Variants in GRIK2 observed in about 807,000 individuals in gnomAD.
GRIK2 encodes the protein glutamate receptor ionotropic, kainate 2.
GRIK2 carries 32 observed loss-of-function variants against 100.3 expected under a neutral mutation model. The ratio of observed to expected loss-of-function variants is 0.32; its 90% CI spans 0.24 to 0.43. The LOEUF is 0.43. Ranked by LOEUF, GRIK2 falls within the 20% of genes least tolerant of loss-of-function variation. The pLI, the probability that GRIK2 is intolerant of heterozygous loss-of-function variation, is 1.00. For missense variants in GRIK2, 843 were observed against 1,114.9 expected (o/e 0.76, Z 3.47); for synonymous variants, 417 against 389.4 (o/e 1.07, Z -0.83).
At chr6:101,723,192 T>C (rs1774613007) in intron 7 of GRIK2, among the ~76,000 whole-genome samples, 1 of 152,024 alleles carries the variant, frequency 6.6e-6, no homozygotes, top group South Asian at 2.1e-4. Context: ...ATGGCCAGGG[T>C]TGATAAAAAG....
In GRIK2 at chr6:101,444,945, T is replaced by C. The variant is rs145662848; in HGVS notation, c.115+45553T>C. ...CCCTAATTTGCTGCTGCATGTCTCA[T>C]TCTATTGGGACCAATCTAATCTTAG... On this transcript the variant is annotated intron_variant, in intron 2 of 16. Coordinates refer to ENST00000369134, the MANE Select transcript of GRIK2 (RefSeq NM_021956.5). Among the ~76,000 whole-genome samples the C allele has an allele frequency of 1.6e-4, 24 of 152,236 alleles. No individual in the cohort carries two copies. The East Asian group carries it at 4.1e-3, about 26-fold the overall frequency.
At chr6:101,887,223 G>A (rs920555162) in intron 11 of GRIK2, among the ~76,000 whole-genome samples, 1 of 152,018 alleles carries the variant, frequency 6.6e-6, no homozygotes. Context: ...ACTATGTGAG[G>A]TAATGCATAT....
At position 101,886,672 on chromosome 6, in the gene GRIK2, C is replaced by A. The variant is rs556226405; in HGVS notation, c.1525-2968C>A. On this transcript the variant is annotated intron_variant, in intron 11 of 16. Coordinates refer to ENST00000369134, the MANE Select transcript of GRIK2 (RefSeq NM_021956.5). ...TTTCAAGAATGCAATATATTATTAC[C>A]TATAATAATCATTTTATACAATAGA... Among the ~76,000 whole-genome samples, 545 of 151,740 alleles carry A rather than the reference C, an allele frequency of 3.6e-3. 4 individuals carry two copies. The highest frequency in any genetic ancestry group is 0.012 in the African/African-American group (484 of 41,406).
intron 11 of GRIK2, among the ~76,000 whole-genome samples, chr6:101,889,269 A>T (rs909380650): frequency 1.3e-5 from 2 of 152,032 alleles, no homozygotes; most frequent in Non-Finnish European, 2.9e-5. Context: ...GAAAATAATT[A>T]ATATTAAATA....
chr6:101,437,956 G>C (rs1300124555), intron 2 of GRIK2, among the ~76,000 whole-genome samples: 1 of 152,080 alleles, frequency 6.6e-6, no homozygotes, highest in African/African-American at 2.4e-5. Context: ...ATGAAGCAGT[G>C]GGCGGAGAAT....
rs569241335 is a variant in GRIK2 at position 101,835,627 on chromosome 6, C to T, written c.1317+17144C>T. On this transcript the variant is annotated intron_variant, in intron 10 of 16. Coordinates refer to ENST00000369134, the MANE Select transcript of GRIK2 (RefSeq NM_021956.5). Reference sequence around the variant, plus strand: ...CTAGGATTGCAGGCACCCGCCACCACGCCTGGCTAATTTTTGTATTTTAGT... The same window carrying T: ...CTAGGATTGCAGGCACCCGCCACCATGCCTGGCTAATTTTTGTATTTTAGT... 2.0e-3 allele frequency among the ~76,000 whole-genome samples: 308 copies of T among 150,706 alleles called. 3 individuals carry two copies. The highest frequency in any genetic ancestry group is 6.9e-3 in the African/African-American group (285 of 41,240).
intron 2 of GRIK2, among the ~76,000 whole-genome samples, chr6:101,513,918 G>C (rs1318129707): frequency 6.6e-6 from 1 of 151,962 alleles, no homozygotes; most frequent in African/African-American, 2.4e-5. Flanking sequence ...GTGAAAGTTA[G>C]TACAATAGGG....
In GRIK2 at chr6:102,028,726, GT is replaced by G. The variant is rs59432122; in HGVS notation, c.2086-6607del. Among the ~76,000 whole-genome samples the G allele has an allele frequency of 6.0e-5, 9 of 149,414 alleles. No homozygotes were observed. In the South Asian group the frequency reaches 6.3e-4, roughly 10 times the overall value. ...CTATAAGGATAATAATTAAGAAATC[GT>G]TTTTTTTATTTTTGTCAGGTAAGTT... is the stretch of plus-strand genomic sequence containing the variant. On this transcript the variant is annotated intron_variant, in intron 14 of 16. Coordinates refer to ENST00000369134, the MANE Select transcript of GRIK2 (RefSeq NM_021956.5).
intron 2 of GRIK2, among the ~76,000 whole-genome samples, chr6:101,496,364 C>A (rs1232101637): frequency 2.0e-5 from 3 of 152,078 alleles, no homozygotes; most frequent in Non-Finnish European, 4.4e-5. Context: ...CTGTGATTTA[C>A]TTTGGAAGTA....
intron 7 of GRIK2, among the ~76,000 whole-genome samples, chr6:101,759,767 A>G (rs964562391): frequency 1.6e-4 from 25 of 151,920 alleles, no homozygotes; most frequent in African/African-American, 5.8e-4. Flanking sequence ...AATAATTTCA[A>G]TAATTGACTG....
rs1774335970 is a variant in GRIK2, at chr6:101,511,851, C to T, written c.116-110098C>T. Among the ~76,000 whole-genome samples, 8 of 151,898 alleles carry T rather than the reference C, an allele frequency of 5.3e-5. No individual in the cohort carries two copies. The South Asian group carries it at 1.5e-3, about 28-fold the overall frequency. On this transcript the variant is annotated intron_variant, in intron 2 of 16. Coordinates refer to ENST00000369134, the MANE Select transcript of GRIK2 (RefSeq NM_021956.5). ...TAGTGTGGAATTTTTTATGAACTCA[C>T]CTATGATCAATGACTGAATTTGAAT... is the stretch of plus-strand genomic sequence containing the variant.
intron 2 of GRIK2, among the ~76,000 whole-genome samples, chr6:101,490,291 A>T (rs9404110): frequency 0.27 from 38,958 of 145,754 alleles, 9,107 homozygotes; most frequent in East Asian, 0.5. Flanking sequence ...GAATACTAAT[A>T]CCTCCAGTTT....
intron 2 of GRIK2, among the ~76,000 whole-genome samples, chr6:101,567,692 A>G (rs935990412): frequency 6.6e-6 from 1 of 151,976 alleles, no homozygotes; most frequent in African/African-American, 2.4e-5. Context: ...CTTAATCAAT[A>G]AAGTTACACT....
At chr6:101,930,635 A>C (rs1323399026) in intron 14 of GRIK2, among the ~76,000 whole-genome samples, 1 of 152,132 alleles carries the variant, frequency 6.6e-6, no homozygotes, top group African/African-American at 2.4e-5. Context: ...CTAGTAGCAA[A>C]GTTCATTTTT....
intron 7 of GRIK2, among the ~76,000 whole-genome samples, chr6:101,692,500 A>G (rs1221758173): frequency 6.6e-6 from 1 of 152,136 alleles, no homozygotes; most frequent in Non-Finnish European, 1.5e-5. Flanking sequence ...TGATAAAATC[A>G]GAAGATAGTA....
chr6:101,664,037 CAG>C (rs1769829678), intron 4 of GRIK2, among the ~76,000 whole-genome samples: 2 of 152,124 alleles, frequency 1.3e-5, no homozygotes, highest in South Asian at 2.1e-4. Flanking sequence ...ATTAAGGTAA[CAG>C]AGGAAAAGAG....
At chr6:101,942,747 C>G (rs963455424) in intron 14 of GRIK2, among the ~76,000 whole-genome samples, 6 of 152,132 alleles carry the variant, frequency 3.9e-5, no homozygotes, top group African/African-American at 1.4e-4. Flanking sequence ...TAACAGCATA[C>G]AGTCATACAT....
Position 101,676,721 on chromosome 6 carries a change from T to C in GRIK2, c.640T>C (p.Leu214=). Residue 214 remains leucine, a synonymous_variant, in exon 5 of 17, where the codon TTA becomes CTA. Coordinates refer to ENST00000369134, the MANE Select transcript of GRIK2 (RefSeq NM_021956.5). ...LPADTKDAKP[L]LKEMKRGKEF... is the part of the protein sequence containing the mutation. ...TGCTGATACAAAGGATGCAAAACCC[T>C]TACTAAAAGAAATGAAAAGAGGCAA... 1 of 1,607,638 alleles carries C rather than the reference T, an allele frequency of 6.2e-7. No homozygotes were observed. Among genetic ancestry groups the C allele is most frequent in the East Asian group, 2.2e-5 (1 of 44,526 alleles).
chr6:101,762,452 A>G (rs1934811875), intron 7 of GRIK2, among the ~76,000 whole-genome samples: 1 of 151,546 alleles, frequency 6.6e-6, no homozygotes, highest in South Asian at 2.1e-4. Context: ...CTTTCCTGAC[A>G]CCGGTATCTC....
Sources: gnomAD v4.1 joint callset for allele counts (sites outside exome capture counted in the v4.1 genomes callset) on GRCh38, gnomAD v4.1.1 for gene constraint, MANE v1.5 for transcripts, NCBI Gene and HGNC (gene_info 2026-07-23, HGNC 2026-07-21) for gene names.